Variants in GRIP1 observed in about 807,000 individuals in gnomAD.
The protein encoded by GRIP1 is glutamate receptor-interacting protein 1.
In GRIP1, 45 loss-of-function variants were observed where a neutral mutation model predicts 129.9. The ratio of observed to expected loss-of-function variants is 0.35; its 90% CI spans 0.27 to 0.44. The LOEUF (loss-of-function observed/expected upper bound fraction) is 0.44, where lower values mean the gene tolerates loss of function less well. GRIP1 is among the 20% of genes least tolerant of loss of function. The probability of loss-of-function intolerance (pLI) is 1.00; values close to 1 mark genes in which losing one functional copy is unlikely to be tolerated. For synonymous variants in GRIP1, 530 were observed against 520.8 expected (o/e 1.02, Z -0.24); for missense variants, 1,196 against 1,396.8 (o/e 0.86, Z 2.29).
rs1182366327 is a variant in GRIP1, at chr12:66,456,245, A to G, written c.1140T>C (p.Pro380=). 33 of 1,289,370 alleles carry G rather than the reference A, an allele frequency of 2.6e-5. No homozygotes were observed. The highest frequency in any genetic ancestry group is 3.2e-5 in the Non-Finnish European group (32 of 988,304). The allele number at this position is 1,289,370 out of a possible 1,614,324, so 79.9% of individuals were successfully genotyped here. A position where few individuals can be genotyped will look rare whatever the true frequency, so the allele number is the denominator to read the frequency against. Residue 380 remains proline (P), a synonymous_variant, in exon 10 of 25, where the codon CCT becomes CCC. Transcript: ENST00000359742. Reference sequence around the variant, plus strand: ...TCAGGGCTGGTACTCTGCAATGGTCAGGGTGGTACGTGTTATAGTGATGGT... The same window carrying G: ...TCAGGGCTGGTACTCTGCAATGGTCGGGGTGGTACGTGTTATAGTGATGGT... ...HTNHHYNTYH[P]DHCRVPALTF...
At chr12:66,882,642 G>A (rs1050044600) in intron 1 of GRIP1, among the ~76,000 whole-genome samples, 3 of 152,134 alleles carry the variant, frequency 2.0e-5, no homozygotes, top group African/African-American at 4.8e-5. Context: ...TATTATCTGC[G>A]AGTACTACCA....
chr12:66,538,615 T>G (rs1050438169), intron 4 of GRIP1, among the ~76,000 whole-genome samples: 1 of 152,104 alleles, frequency 6.6e-6, no homozygotes. Flanking sequence ...GTGTGTTTGT[T>G]TTTTTGAGAC....
At chr12:66,546,052 C>G (rs1383263764) in intron 2 of GRIP1, among the ~76,000 whole-genome samples, 1 of 152,050 alleles carries the variant, frequency 6.6e-6, no homozygotes, top group African/African-American at 2.4e-5. Flanking sequence ...CAAACCTTAT[C>G]AAAATCCCAG....
At chr12:66,388,246 A>T (rs1451086939) in intron 19 of GRIP1, among the ~76,000 whole-genome samples, 1 of 152,044 alleles carries the variant, frequency 6.6e-6, no homozygotes, top group African/African-American at 2.4e-5. Flanking sequence ...TAATTATAGA[A>T]ACTGAGAAAA....
chr12:66,514,693 A>G, intron 7 of GRIP1, among the ~76,000 whole-genome samples: 1 of 152,060 alleles, frequency 6.6e-6, no homozygotes, highest in East Asian at 1.9e-4. Context: ...CTTTCCCATT[A>G]GGAAACCTCA....
chr12:66,990,535 C>G (rs771796104), intron 1 of GRIP1, among the ~76,000 whole-genome samples: 16 of 152,192 alleles, frequency 1.1e-4, no homozygotes, highest in Non-Finnish European at 1.9e-4. Context: ...GTGTACCAAG[C>G]ACATTACTAG....
chr12:66,853,890 C>A (rs2039957471), intron 1 of GRIP1, among the ~76,000 whole-genome samples: 1 of 151,962 alleles, frequency 6.6e-6, no homozygotes, highest in South Asian at 2.1e-4. Flanking sequence ...AACCTATACA[C>A]AATTATCTTT....
chr12:66,566,960 C>T (rs11176268), intron 2 of GRIP1, among the ~76,000 whole-genome samples: 6,936 of 152,024 alleles, frequency 0.046, 368 homozygotes, highest in Admixed American at 0.12. Flanking sequence ...TTTGTATTTC[C>T]GTAGGATCAG....
At chr12:66,768,344 G>C (rs1280729131) in intron 1 of GRIP1, among the ~76,000 whole-genome samples, 1 of 152,212 alleles carries the variant, frequency 6.6e-6, no homozygotes, top group African/African-American at 2.4e-5. Flanking sequence ...GATCACTGAA[G>C]TATCTGCCTA....
At chr12:66,693,738 T>C (rs2035058816) in intron 1 of GRIP1, among the ~76,000 whole-genome samples, 1 of 152,188 alleles carries the variant, frequency 6.6e-6, no homozygotes, top group African/African-American at 2.4e-5. Flanking sequence ...GGTCTATTCA[T>C]GGACAAGAAA....
At chr12:66,865,921 T>C (rs2040197489) in intron 1 of GRIP1, among the ~76,000 whole-genome samples, 1 of 152,246 alleles carries the variant, frequency 6.6e-6, no homozygotes, top group South Asian at 2.1e-4. Flanking sequence ...TAACTCTCCA[T>C]TTCTTTCGGT....
intron 1 of GRIP1, among the ~76,000 whole-genome samples, chr12:66,605,463 A>G (rs7311948): frequency 0.34 from 51,149 of 151,958 alleles, 8,905 homozygotes; most frequent in Non-Finnish European, 0.37. Flanking sequence ...GAAAACAAGC[A>G]GCAGCAAAAT....
intron 1 of GRIP1, among the ~76,000 whole-genome samples, chr12:66,607,338 T>C (rs2064583411): frequency 6.6e-6 from 1 of 152,212 alleles, no homozygotes. Context: ...AGATGAAATC[T>C]GGCTGAATTT....
At chr12:66,405,005 G>GCACACTCCAGCCTGGGTGTGC (rs1305979213) in intron 16 of GRIP1, among the ~76,000 whole-genome samples, 24 of 152,238 alleles carry the variant, frequency 1.6e-4, no homozygotes, top group African/African-American at 5.8e-4. Context: ...GCACTCCATG[G>GCACACTCCAGCCTGGGTGTGC]CACACTCCAG....
intron 1 of GRIP1, among the ~76,000 whole-genome samples, chr12:66,943,242 A>G (rs932262418): frequency 2.0e-5 from 3 of 152,180 alleles, no homozygotes; most frequent in Non-Finnish European, 2.9e-5. Flanking sequence ...GGTGCAGCTT[A>G]TAAGTAGTAA....
chr12:66,892,516 T>C (rs1036227447), intron 1 of GRIP1, among the ~76,000 whole-genome samples: 37 of 152,190 alleles, frequency 2.4e-4, no homozygotes, highest in African/African-American at 8.7e-4. Context: ...ACAGCTGGCA[T>C]TGGTACAATA....
intron 9 of GRIP1, among the ~76,000 whole-genome samples, chr12:66,459,797 G>T (rs1171119604): frequency 1.3e-5 from 2 of 152,200 alleles, no homozygotes; most frequent in Non-Finnish European, 2.9e-5. Context: ...TGCCTATTTT[G>T]AATGTACACT....
intron 1 of GRIP1, among the ~76,000 whole-genome samples, chr12:66,784,756 G>A (rs1269191288): frequency 6.6e-6 from 1 of 152,128 alleles, no homozygotes; most frequent in Non-Finnish European, 1.5e-5. Context: ...ATACTCATGG[G>A]TTACGCATGT....
chr12:66,806,898 A>G (rs1318222320), upstream of GRIP1, among the ~76,000 whole-genome samples: 1 of 151,108 alleles, frequency 6.6e-6, no homozygotes, highest in Admixed American at 6.6e-5. Flanking sequence ...GGTGCTGGGG[A>G]GGAGGAGTTC....
Sources: allele counts gnomAD v4.1 joint callset (sites outside exome capture counted in the v4.1 genomes callset), GRCh38; gene constraint gnomAD v4.1.1; transcripts MANE v1.5; gene names NCBI Gene and HGNC (gene_info 2026-07-23, HGNC 2026-07-21).